KLHDC4: variants seen among roughly 807,000 people sequenced by gnomAD.
KLHDC4 encodes kelch domain-containing protein 4.
KLHDC4 carries 90 observed loss-of-function variants against 62.4 expected under a neutral mutation model. That is an observed-to-expected ratio of 1.44 (90% CI 1.22 to 1.72). The LOEUF is 1.72. KLHDC4 is among the 40% of genes most tolerant of loss of function. The pLI is 0.00. For missense variants in KLHDC4, 1,025 were observed against 699.7 expected (o/e 1.47, Z -5.25); for synonymous variants, 386 against 284.4 (o/e 1.36, Z -3.59).
At chr16:87,704,370 C>G (rs1276415704), downstream of KLHDC4, among the ~76,000 whole-genome samples, 1 of 138,320 alleles carries the variant, frequency 7.2e-6, no homozygotes, top group Non-Finnish European at 1.5e-5. Context: ...AAGGAGGCGC[C>G]TGGGGAGGGT....
chr16:87,711,150 A>C (rs60382083), intron 9 of KLHDC4, 85 bp downstream of exon 9: 142,656 of 1,450,046 alleles, frequency 0.098, 8,447 homozygotes, highest in South Asian at 0.22. Context: ...CCCCAATACC[A>C]AAAGGTGCTG....
intron 7 of KLHDC4, among the ~76,000 whole-genome samples, chr16:87,718,794 G>A (rs1037121054): frequency 2.6e-5 from 4 of 151,216 alleles, no homozygotes; most frequent in African/African-American, 7.3e-5. Flanking sequence ...GTCTCTGACC[G>A]GCCGCCCATC....
At chr16:87,717,016 G>C (rs916140859) in intron 7 of KLHDC4, among the ~76,000 whole-genome samples, 2 of 152,186 alleles carry the variant, frequency 1.3e-5, no homozygotes, top group Non-Finnish European at 2.9e-5. Flanking sequence ...CAGACTGCTT[G>C]AGTTCAGGAG....
intron 5 of KLHDC4, among the ~76,000 whole-genome samples, chr16:87,740,274 T>TG (rs371370090): frequency 5.3e-5 from 8 of 151,962 alleles, no homozygotes; most frequent in African/African-American, 1.9e-4. Flanking sequence ...AGAGCTCCAG[T>TG]GATCCCACCC....
At chr16:87,742,329 C>T (rs907767265) in intron 5 of KLHDC4, among the ~76,000 whole-genome samples, 13 of 152,174 alleles carry the variant, frequency 8.5e-5, no homozygotes, top group Admixed American at 2.0e-4. Context: ...GCCTGACCTG[C>T]CAAACCACCG....
At chr16:87,757,180 A>C (rs1322184604) in intron 2 of KLHDC4, among the ~76,000 whole-genome samples, 1 of 151,848 alleles carries the variant, frequency 6.6e-6, no homozygotes, top group Non-Finnish European at 1.5e-5. Flanking sequence ...TAAAAAGTCC[A>C]GTAACTAGGC....
At chr16:87,761,749 T>C (rs1012420125) in intron 2 of KLHDC4, among the ~76,000 whole-genome samples, 200 bp downstream of exon 2, 1 of 152,202 alleles carries the variant, frequency 6.6e-6, no homozygotes, top group Non-Finnish European at 1.5e-5. Flanking sequence ...AGCTGTGCTG[T>C]AGGCCCTGCT....
intron 7 of KLHDC4, among the ~76,000 whole-genome samples, chr16:87,722,353 C>T (rs773935564): frequency 1.1e-4 from 17 of 152,170 alleles, no homozygotes; most frequent in Non-Finnish European, 2.1e-4. Context: ...GATCTGGTTA[C>T]AGGAGGAGGA....
In KLHDC4 at chr16:87,709,511, C is replaced by A. The variant is rs1015409386; in HGVS notation, c.1201G>T (p.Val401Leu). 1.1e-5 allele frequency: 17 copies of A among 1,612,140 alleles called. No homozygotes were observed. The highest frequency in any genetic ancestry group is 1.1e-5 in the Non-Finnish European group (13 of 1,179,948). Reference sequence around the variant, plus strand: ...CCCGCCGAGCCTGGCGCGGTGAGCACCTGCTTAATGGTGACCACGGTGCCA... The same window carrying A: ...CCCGCCGAGCCTGGCGCGGTGAGCAACTGCTTAATGGTGACCACGGTGCCA... ...EDGTVVTIKQ[V>L]LTAPGSAGQP... The change falls in exon 10 of 12, where the codon GTG (valine) becomes TTG (leucine). Residue 401 changes from valine (V) to leucine (L), a missense_variant. Coordinates refer to ENST00000270583, the MANE Select transcript of KLHDC4 (RefSeq NM_017566.4).
At chr16:87,722,665 A>T (rs1307602215) in intron 7 of KLHDC4, among the ~76,000 whole-genome samples, 1 of 152,228 alleles carries the variant, frequency 6.6e-6, no homozygotes, top group African/African-American at 2.4e-5. Flanking sequence ...CAGAAGGACA[A>T]GGACACGCAG....
intron 7 of KLHDC4, among the ~76,000 whole-genome samples, chr16:87,716,911 G>A (rs543765045): frequency 2.6e-5 from 4 of 152,082 alleles, no homozygotes; most frequent in East Asian, 1.9e-4. Flanking sequence ...CAGCCTGGGC[G>A]ACAGAGCGAG....
chr16:87,726,905 CGTT>C lies in KLHDC4; in HGVS notation c.616_618del (p.Asn206del), dbSNP rs757087501. 20 of 1,613,814 alleles carry C rather than the reference CGTT, an allele frequency of 1.2e-5. No individual in the cohort carries two copies. The highest frequency in any genetic ancestry group is 1.7e-5 in the Non-Finnish European group (20 of 1,179,906). ...GTGTCCAGATTAAAGGCATACACGTCGTTGTAGTAGATGTAATCCCTGGTTAGA... is the reference window on the plus strand; with the variant it reads ...GTGTCCAGATTAAAGGCATACACGTCGTAGTAGATGTAATCCCTGGTTAGA... On this transcript the variant is annotated inframe_deletion, in exon 7 of 12. Transcript: ENST00000270583.
At chr16:87,762,758 T>A (rs1364848420) in intron 1 of KLHDC4, among the ~76,000 whole-genome samples, 1 of 152,074 alleles carries the variant, frequency 6.6e-6, no homozygotes, top group East Asian at 1.9e-4. Context: ...GAACCCAGTG[T>A]TCCCGCCTCA....
intron 9 of KLHDC4, chr16:87,710,224 T>C (rs1033407640): frequency 6.4e-6 from 1 of 155,472 alleles, no homozygotes; most frequent in Non-Finnish European, 1.4e-5. Flanking sequence ...CAGCTGTCCA[T>C]CCCTCTCTGT....
intron 6 of KLHDC4, among the ~76,000 whole-genome samples, chr16:87,730,214 A>G (rs1223842423): frequency 1.3e-5 from 2 of 152,238 alleles, no homozygotes; most frequent in Admixed American, 1.3e-4. Context: ...TCAGCCTCCC[A>G]AAGTGCTGGG....
In KLHDC4 at chr16:87,758,777, G is replaced by C. The variant is rs146921674; in HGVS notation, c.192-2300C>G. On this transcript the variant is annotated intron_variant, in intron 2 of 11. Coordinates refer to ENST00000270583, the MANE Select transcript of KLHDC4 (RefSeq NM_017566.4). ...CCACCAGTTAGACAAGGTTGGTCTA[G>C]AGTTTCTATTTGGGGTGATAAAACA... Among the ~76,000 whole-genome samples the C allele has an allele frequency of 2.8e-3, 420 of 152,342 alleles. 3 individuals are homozygous for C. The highest frequency in any genetic ancestry group is 4.4e-3 in the Non-Finnish European group (300 of 68,036).
chr16:87,753,907 A>C, intron 4 of KLHDC4, among the ~76,000 whole-genome samples: 1 of 143,640 alleles, frequency 7.0e-6, no homozygotes, highest in African/African-American at 2.6e-5. Context: ...CGGCAGGCGG[A>C]GGTTGTAGTG....
chr16:87,744,978 T>C (rs922331594), intron 5 of KLHDC4, among the ~76,000 whole-genome samples: 2 of 87,886 alleles, frequency 2.3e-5, no homozygotes, highest in Admixed American at 1.0e-4. Context: ...TGCAATCATC[T>C]GCACACACGC....
chr16:87,709,794 G>T, intron 9 of KLHDC4, 127 bp from the exon 10 acceptor site: 1 of 1,163,706 alleles, frequency 8.6e-7, no homozygotes, highest in South Asian at 1.6e-5. Context: ...TGTGACCCAG[G>T]AAGGCGCCAT....
Sources: gnomAD v4.1 joint callset for allele counts (sites outside exome capture counted in the v4.1 genomes callset) on GRCh38, gnomAD v4.1.1 for gene constraint, MANE v1.5 for transcripts, NCBI Gene and HGNC (gene_info 2026-07-23, HGNC 2026-07-21) for gene names.